PRL: variants seen among roughly 807,000 people sequenced by gnomAD.
The protein encoded by PRL is decidual prolactin.
A neutral mutation model predicts 21.3 loss-of-function variants in PRL; 24 were observed. That is an observed-to-expected ratio of 1.13 (90% CI 0.82 to 1.59). PRL has a LOEUF of 1.59. Among genes scored for constraint, PRL ranks in the 40% most tolerant of loss-of-function variants. PRL has a pLI of 0.00. For missense variants in PRL, 243 were observed against 286.9 expected (o/e 0.85, Z 1.10); for synonymous variants, 118 against 115.7 (o/e 1.02, Z -0.13).
chr6:22,287,317 A>C lies in PRL; in HGVS notation c.*85T>G, dbSNP rs1760940376. 1.5e-5 allele frequency: 20 copies of C among 1,366,312 alleles called. 1 individual carries two copies. The South Asian group carries it at 3.4e-4, about 23-fold the overall frequency. The allele number at this position is 1,366,312 out of a possible 1,614,324, so 84.6% of individuals were successfully genotyped here. A position where few individuals can be genotyped will look rare whatever the true frequency, so the allele number is the denominator to read the frequency against. The stretch of plus-strand genomic sequence containing the variant: ...GGAGACCTGTTACACCCAAGCATGG[A>C]TTCAAAAGAGATACAACTAAAAGAA... On this transcript the variant is annotated 3_prime_UTR_variant, in exon 5 of 5. Transcript: ENST00000306482.
chr6:22,295,501 C>A (rs1761155895), intron 1 of PRL, among the ~76,000 whole-genome samples: 1 of 152,130 alleles, frequency 6.6e-6, no homozygotes, highest in Non-Finnish European at 1.5e-5. Context: ...ATAACAAGTT[C>A]TTTGCCTTTG....
At chr6:22,300,602 T>C (rs927665386), upstream of PRL, among the ~76,000 whole-genome samples, 1 of 152,248 alleles carries the variant, frequency 6.6e-6, no homozygotes, top group Non-Finnish European at 1.5e-5. Flanking sequence ...CTAAAATTAA[T>C]TTATCTAAAG....
At chr6:22,297,328 A>T (rs1174248791), upstream of PRL, 2 of 275,752 alleles carry the variant, frequency 7.3e-6, no homozygotes, top group Non-Finnish European at 1.4e-5. Flanking sequence ...AAACTACAGA[A>T]GTCATTTACT....
intron 1 of PRL, among the ~76,000 whole-genome samples, chr6:22,295,435 A>G (rs572161110): frequency 6.2e-4 from 94 of 152,292 alleles, no homozygotes; most frequent in African/African-American, 2.1e-3. Context: ...TGGGGGCCGC[A>G]TGAGTAGCCG....
In PRL at chr6:22,292,649, G is replaced by A; in HGVS notation, c.205-4C>T. 6.2e-7 allele frequency: 1 copy of A among 1,609,032 alleles called. No homozygotes were observed. Among genetic ancestry groups the A allele is most frequent in the Non-Finnish European group, 8.5e-7 (1 of 1,176,792 alleles). On this transcript the variant is annotated splice_region_variant and splice_polypyrimidine_tract_variant and intron_variant, in intron 2 of 4. Coordinates refer to ENST00000306482, the MANE Select transcript of PRL (RefSeq NM_000948.6). ...GGCCATGGGTATACCGTTTATCCTG[G>A]AAATGATGAGACAAATTCAATTAGT...
chr6:22,294,555 G>C lies in PRL; in HGVS notation c.58C>G (p.Leu20Val). Residue 20 changes from leucine (L) to valine (V), a missense_variant, in exon 2 of 5, where the codon CTG becomes GTG. Physicochemically the swap from Leu to Val is conservative, Grantham distance 32. Coordinates refer to ENST00000306482, the MANE Select transcript of PRL (RefSeq NM_000948.6). ...GGGGCCACGCTCTGGCACAGGAGCAGGTTTGACACCAGCAGCAGCAGGAGG... is the reference window on the plus strand; with the variant it reads ...GGGGCCACGCTCTGGCACAGGAGCACGTTTGACACCAGCAGCAGCAGGAGG... ...GSLLLLLVSN[L>V]LLCQSVAPLP... The C allele has an allele frequency of 6.2e-7, 1 of 1,610,982 alleles. No individual in the cohort carries two copies. The highest frequency in any genetic ancestry group is 8.5e-7 in the Non-Finnish European group (1 of 1,178,552).
chr6:22,300,520 A>G (rs1761263827), upstream of PRL, among the ~76,000 whole-genome samples: 1 of 152,210 alleles, frequency 6.6e-6, no homozygotes, highest in South Asian at 2.1e-4. Context: ...TGCAGAGTGG[A>G]GCTCTCTAAA....
intron 2 of PRL, among the ~76,000 whole-genome samples, chr6:22,293,509 G>A (rs1761097979): frequency 6.6e-6 from 1 of 151,596 alleles, no homozygotes; most frequent in Middle Eastern, 3.4e-3. Context: ...TGACCTAGAA[G>A]AGTTAACCTA....
At chr6:22,294,256 T>C (rs1012074337) in intron 2 of PRL, among the ~76,000 whole-genome samples, 153 bp downstream of exon 2, 3 of 152,242 alleles carry the variant, frequency 2.0e-5, no homozygotes, top group Non-Finnish European at 4.4e-5. Flanking sequence ...CCTTTCTTCT[T>C]GTTCCACATC....
chr6:22,299,754 G>A (rs534119148), upstream of PRL, among the ~76,000 whole-genome samples: 2 of 152,178 alleles, frequency 1.3e-5, no homozygotes, highest in Non-Finnish European at 2.9e-5. Flanking sequence ...CAGGAGAATC[G>A]CTTGAACCCA....
At chr6:22,293,475 C>A (rs1452338853) in intron 2 of PRL, among the ~76,000 whole-genome samples, 1 of 151,916 alleles carries the variant, frequency 6.6e-6, no homozygotes, top group East Asian at 1.9e-4. Flanking sequence ...TATTAAAGCA[C>A]TAATCTATTG....
At chr6:22,293,617 G>GTGAAGGAAGGAA (rs1761101630) in intron 2 of PRL, among the ~76,000 whole-genome samples, 1 of 97,082 alleles carries the variant, frequency 1.0e-5, no homozygotes, top group Admixed American at 1.2e-4. Flanking sequence ...GAAGGGAGGA[G>GTGAAGGAAGGAA]GGAAGGAGGG....
At chr6:22,292,689 C>A (rs1761076924) in intron 2 of PRL, 44 bp from the exon 3 acceptor site, 3 of 1,529,168 alleles carry the variant, frequency 2.0e-6, no homozygotes, top group Non-Finnish European at 2.7e-6. Context: ...GTTGTTTGGG[C>A]ATTGAATAAA....
At position 22,288,483 on chromosome 6, in the gene PRL, C is replaced by T. The variant is rs1760972465; in HGVS notation, c.493-890G>A. Among the ~76,000 whole-genome samples the T allele has an allele frequency of 6.6e-6, 1 of 151,722 alleles. No individual in the cohort carries two copies. Among genetic ancestry groups the T allele is most frequent in the South Asian group, 2.1e-4 (1 of 4,796 alleles). The stretch of plus-strand genomic sequence containing the variant: ...CCAGGAGGCAGAGATTGTGGTGAGC[C>T]GAGATGACACCACTACACTCCAGCA... On this transcript the variant is annotated intron_variant, in intron 4 of 4. Coordinates refer to ENST00000306482, the MANE Select transcript of PRL (RefSeq NM_000948.6). This position sits in a 1 kb window ranked among gnomAD's most constrained non-coding sequence, Gnocchi z 4.5.
chr6:22,296,965 C>T lies in PRL; in HGVS notation c.18G>A (p.Ser6=), dbSNP rs774624798. The change falls in exon 1 of 5, where the codon TCG becomes TCA. Residue 6 remains serine (S), a synonymous_variant. Coordinates refer to ENST00000306482, the MANE Select transcript of PRL (RefSeq NM_000948.6). ...AGTTGTCACACATACCTTTCCATGG[C>T]GATCCTTTGATGTTCATGTTCGTGA... MNIKG[S]PWKGSLLLLL... 5 of 1,613,994 alleles carry T rather than the reference C, an allele frequency of 3.1e-6. No homozygotes were observed. The highest frequency in any genetic ancestry group is 2.2e-5 in the East Asian group (1 of 44,872).
At position 22,287,273 on chromosome 6, in the gene PRL, C is replaced by A; in HGVS notation, c.*129G>T. 1 of 888,014 alleles carries A rather than the reference C, an allele frequency of 1.1e-6. No homozygotes were observed. Among genetic ancestry groups the A allele is most frequent in the Non-Finnish European group, 1.6e-6 (1 of 619,932 alleles). The allele number at this position is 888,014 out of a possible 1,614,324, so 55.0% of individuals were successfully genotyped here. On this transcript the variant is annotated 3_prime_UTR_variant, in exon 5 of 5. Coordinates refer to ENST00000306482, the MANE Select transcript of PRL (RefSeq NM_000948.6). ...TTAGATTTTGATGTCTCTAAGGAGT[C>A]AGTTTTTATTTTTTAAGAGGAGACC... is the stretch of plus-strand genomic sequence containing the variant.
intron 4 of PRL, 124 bp downstream of exon 4, chr6:22,290,050 A>G (rs912872387): frequency 1.1e-6 from 1 of 893,116 alleles, no homozygotes; most frequent in African/African-American, 1.7e-5. Flanking sequence ...CTCTTGCTTT[A>G]TTTAATAGCG....
At chr6:22,294,619 A>G in intron 1 of PRL, 35 bp from the exon 2 acceptor site, 1 of 1,507,580 alleles carries the variant, frequency 6.6e-7, no homozygotes, top group Non-Finnish European at 8.9e-7. Flanking sequence ...CTCTGAGATG[A>G]TTTATTCCAC....
intron 4 of PRL, 91 bp downstream of exon 4, chr6:22,290,083 A>G (rs1434318541): frequency 3.9e-6 from 5 of 1,296,822 alleles, no homozygotes. Flanking sequence ...GAATGCCTAA[A>G]TTTCCTTCTT....
Sources: gnomAD v4.1 joint callset for allele counts (sites outside exome capture counted in the v4.1 genomes callset) on GRCh38, gnomAD v4.1.1 for gene constraint, Gnocchi (gnomAD v3.1) non-coding constraint, MANE v1.5 for transcripts, NCBI Gene and HGNC (gene_info 2026-07-23, HGNC 2026-07-21) for gene names.